Variants in ACTB observed in about 807,000 individuals in gnomAD.
ACTB encodes actin beta, also known as actin, cytoplasmic 1.
ACTB carries 2 observed loss-of-function variants against 30.5 expected under a neutral mutation model. That is an observed-to-expected ratio of 0.07 (90% CI 0.03 to 0.21). ACTB has a LOEUF of 0.21. ACTB is among the 10% of genes least tolerant of loss of function. ACTB has a pLI of 1.00. For missense variants in ACTB, 56 were observed against 530.0 expected (o/e 0.11, Z 8.78); for synonymous variants, 335 against 217.6 (o/e 1.54, Z -4.75).
Position 5,527,682 on chromosome 7 carries a change from A to T in ACTB, c.*66T>A, listed in dbSNP as rs1287508131. ...AAACAAATAAAGCCATGCCAATCTC[A>T]TCTTGTTTTCTGCGCAAGTTAGGTT... On this transcript the variant is annotated 3_prime_UTR_variant, in exon 6 of 6. Transcript: ENST00000646664. 6 of 1,608,018 alleles carry T rather than the reference A, an allele frequency of 3.7e-6. No homozygotes were observed. The African/African-American group carries it at 5.4e-5, about 14-fold the overall frequency.
In ACTB at chr7:5,527,573, A is replaced by G; in HGVS notation, c.*175T>C. On this transcript the variant is annotated 3_prime_UTR_variant, in exon 6 of 6. Coordinates refer to ENST00000646664, the MANE Select transcript of ACTB (RefSeq NM_001101.5). Reference sequence around the variant, plus strand: ...TGAACTTTGGGGGATGCTCGCTCCAACCGACTGCTGTCACCTTCACCGTTC... The same window carrying G: ...TGAACTTTGGGGGATGCTCGCTCCAGCCGACTGCTGTCACCTTCACCGTTC... The G allele has an allele frequency of 9.4e-7, 1 of 1,062,216 alleles. No homozygotes were observed. Among genetic ancestry groups the G allele is most frequent in the Non-Finnish European group, 1.4e-6 (1 of 732,900 alleles). The allele number at this position is 1,062,216 out of a possible 1,614,324, so 65.8% of individuals were successfully genotyped here.
At chr7:5,528,906 G>A (rs1471848830) in intron 3 of ACTB, 187 bp from the exon 4 acceptor site, 22 of 1,444,192 alleles carry the variant, frequency 1.5e-5, no homozygotes, top group Non-Finnish European at 2.1e-5. Context: ...CCAGCCTCAT[G>A]GCCTTGTCAC....
In ACTB at chr7:5,528,953, C is replaced by G; in HGVS notation, c.363+208G>C. The G allele has an allele frequency of 2.6e-6, 4 of 1,543,328 alleles. No homozygotes were observed. The African/African-American group carries it at 4.1e-5, about 16-fold the overall frequency. On this transcript the variant is annotated intron_variant, in intron 3 of 5. Transcript: ENST00000646664. ...TTAGTACCTACACCCACAACACTGTCTTAGACACCTAGTCAGAGAGACAAA... is the reference window on the plus strand; with the variant it reads ...TTAGTACCTACACCCACAACACTGTGTTAGACACCTAGTCAGAGAGACAAA...
Position 5,528,606 on chromosome 7 carries a change from G to A in ACTB, c.477C>T (p.Val159=). ...CCTCGTAGATGGGCACAGTGTGGGT[G>A]ACCCCGTCACCGGAGTCCATCACGA... ...TGIVMDSGDG[V]THTVPIYEGY... Residue 159 remains valine, a synonymous_variant, in exon 4 of 6, where the codon GTC becomes GTT. Coordinates refer to ENST00000646664, the MANE Select transcript of ACTB (RefSeq NM_001101.5). 1 of 1,614,012 alleles carries A rather than the reference G, an allele frequency of 6.2e-7. No homozygotes were observed. The highest frequency in any genetic ancestry group is 8.5e-7 in the Non-Finnish European group (1 of 1,180,038).
Position 5,527,766 on chromosome 7 carries a change from G to C in ACTB, c.1110C>G (p.Val370=), listed in dbSNP as rs761902382. 1.2e-6 allele frequency: 2 copies of C among 1,613,796 alleles called. No homozygotes were observed. The highest frequency in any genetic ancestry group is 8.5e-7 in the Non-Finnish European group (1 of 1,180,018). ...QEYDESGPSI[V]HRKCF ...AGTCCGCCTAGAAGCATTTGCGGTG[G>C]ACGATGGAGGGGCCGGACTCGTCAT... The change falls in exon 6 of 6, where the codon GTC becomes GTG. Residue 370 remains valine, a synonymous_variant. Transcript: ENST00000646664.
chr7:5,530,037 C>A (rs995847161), intron 1 of ACTB: 1 of 156,156 alleles, frequency 6.4e-6, no homozygotes, highest in African/African-American at 2.4e-5. Context: ...AGCCCGCCTT[C>A]GCCCCAGCCC....
chr7:5,530,103 G>A (rs1584264210), intron 1 of ACTB: 1 of 152,778 alleles, frequency 6.5e-6, no homozygotes, highest in East Asian at 1.9e-4. Flanking sequence ...TTGAGTCCCA[G>A]CGCGCACGCG....
At position 5,527,865 on chromosome 7, in the gene ACTB, G is replaced by A. The variant is rs748194756; in HGVS notation, c.1011C>T (p.Tyr337=). ...GGATGGAGCCGCCGATCCACACGGAGTACTTGCGCTCAGGAGGAGCAATGA... is the reference window on the plus strand; with the variant it reads ...GGATGGAGCCGCCGATCCACACGGAATACTTGCGCTCAGGAGGAGCAATGA... ...IKIIAPPERK[Y]SVWIGGSILA... Residue 337 remains tyrosine (Y), a synonymous_variant, in exon 6 of 6, where the codon TAC becomes TAT. Transcript: ENST00000646664. The A allele has an allele frequency of 1.2e-4, 200 of 1,613,956 alleles. No individual in the cohort carries two copies. The highest frequency in any genetic ancestry group is 1.6e-4 in the Non-Finnish European group (192 of 1,179,992).
At chr7:5,530,011 C>A (rs1438020229) in intron 1 of ACTB, 1 of 164,264 alleles carries the variant, frequency 6.1e-6, no homozygotes, top group Non-Finnish European at 1.3e-5. Flanking sequence ...CGCGGCGACC[C>A]CACCCCTTCC....
rs1215463616 is a variant in ACTB at position 5,527,569 on chromosome 7, T to C, written c.*179A>G. On this transcript the variant is annotated 3_prime_UTR_variant, in exon 6 of 6. Coordinates refer to ENST00000646664, the MANE Select transcript of ACTB (RefSeq NM_001101.5). ...ATTGTGAACTTTGGGGGATGCTCGCTCCAACCGACTGCTGTCACCTTCACC... is the reference window on the plus strand; with the variant it reads ...ATTGTGAACTTTGGGGGATGCTCGCCCCAACCGACTGCTGTCACCTTCACC... 2 of 1,008,416 alleles carry C rather than the reference T, an allele frequency of 2.0e-6. No homozygotes were observed. Among genetic ancestry groups the C allele is most frequent in the African/African-American group, 1.8e-5 (1 of 55,946 alleles). The allele number at this position is 1,008,416 out of a possible 1,614,324, so 62.5% of individuals were successfully genotyped here.
At position 5,527,431 on chromosome 7, in the gene ACTB, T is replaced by TA; in HGVS notation, c.*316dup. ...TGGGAGAGGACTGGGCCATTCTCCT[T>TA]AGAGAGAAGTGGGGTGGCTTTTAGG... is the stretch of plus-strand genomic sequence containing the variant. On this transcript the variant is annotated 3_prime_UTR_variant, in exon 6 of 6. Coordinates refer to ENST00000646664, the MANE Select transcript of ACTB (RefSeq NM_001101.5). 2 of 462,210 alleles carry TA rather than the reference T, an allele frequency of 4.3e-6. No homozygotes were observed. The highest frequency in any genetic ancestry group is 7.9e-6 in the Non-Finnish European group (2 of 253,348). The allele number at this position is 462,210 out of a possible 1,614,324, so 28.6% of individuals were successfully genotyped here.
chr7:5,528,822 T>C (rs1584262406), intron 3 of ACTB, 103 bp from the exon 4 acceptor site: 2 of 1,482,156 alleles, frequency 1.3e-6, no homozygotes, highest in Middle Eastern at 1.7e-4. Context: ...CTAAGTGTGC[T>C]GGGGTCTTGG....
intron 2 of ACTB, 56 bp downstream of exon 2, chr7:5,529,479 A>G: frequency 6.2e-7 from 1 of 1,612,818 alleles, no homozygotes; most frequent in Non-Finnish European, 8.5e-7. Context: ...GTGCAGAGAA[A>G]GCGCCCTTGC....
rs148292298 is a variant in ACTB at position 5,528,474 on chromosome 7, C to T, written c.609G>A (p.Thr203=). 59 of 1,613,956 alleles carry T rather than the reference C, an allele frequency of 3.7e-5. No individual in the cohort carries two copies. Among genetic ancestry groups the T allele is most frequent in the Admixed American group, 5.0e-5 (3 of 60,000 alleles). The change falls in exon 4 of 6, where the codon ACG becomes ACA. Residue 203 remains threonine (T), a synonymous_variant. Coordinates refer to ENST00000646664, the MANE Select transcript of ACTB (RefSeq NM_001101.5). ...LTERGYSFTT[T]AEREIVRDIK... ...TGTCACGCACGATTTCCCGCTCGGC[C>T]GTGGTGGTGAAGCTGTAGCCGCGCT...
chr7:5,527,691 T>C lies in ACTB; in HGVS notation c.*57A>G, dbSNP rs1449805065. On this transcript the variant is annotated 3_prime_UTR_variant, in exon 6 of 6. Coordinates refer to ENST00000646664, the MANE Select transcript of ACTB (RefSeq NM_001101.5). ...AAGCCATGCCAATCTCATCTTGTTT[T>C]CTGCGCAAGTTAGGTTTTGTCAAGA... 1.8e-4 allele frequency: 290 copies of C among 1,610,890 alleles called. No individual in the cohort carries two copies. Among genetic ancestry groups the C allele is most frequent in the Non-Finnish European group, 2.4e-4 (279 of 1,178,824 alleles).
chr7:5,529,923 C>G (rs886179439), intron 1 of ACTB: 15 of 407,232 alleles, frequency 3.7e-5, no homozygotes, highest in Non-Finnish European at 8.8e-6. Context: ...AGCGCCGGGT[C>G]GGCGCGCGCG....
chr7:5,529,426 T>G (rs769364876), intron 2 of ACTB, 26 bp from the exon 3 acceptor site: 1 of 1,613,770 alleles, frequency 6.2e-7, no homozygotes, highest in Non-Finnish European at 8.5e-7. Context: ...CAAGAAGCCC[T>G]GAGCACGGGC....
chr7:5,529,474 G>C (rs1421898203), intron 2 of ACTB, 61 bp downstream of exon 2: 2 of 1,613,030 alleles, frequency 1.2e-6, no homozygotes, highest in East Asian at 2.2e-5. Context: ...CTCCTGTGCA[G>C]AGAAAGCGCC....
In ACTB at chr7:5,528,211, T is replaced by G. The variant is rs191425263; in HGVS notation, c.803-26A>C. The G allele has an allele frequency of 4.5e-4, 728 of 1,613,852 alleles. 5 individuals carry two copies. In the African/African-American group the frequency reaches 8.9e-3, roughly 20 times the overall value. Reference sequence around the variant, plus strand: ...CTGAGAGGGAAATGAGGGCAGGACTTAGCTTCCACAGCACAGCCCCGAGGG... The same window carrying G: ...CTGAGAGGGAAATGAGGGCAGGACTGAGCTTCCACAGCACAGCCCCGAGGG... On this transcript the variant is annotated intron_variant, in intron 4 of 5. Coordinates refer to ENST00000646664, the MANE Select transcript of ACTB (RefSeq NM_001101.5).
Sources: gnomAD v4.1 joint callset for allele counts on GRCh38, gnomAD v4.1.1 for gene constraint, MANE v1.5 for transcripts, NCBI Gene and HGNC (gene_info 2026-07-23, HGNC 2026-07-21) for gene names.